The following ZMAT4 variants were observed in gnomAD, a reference collection of about 807,000 sequenced individuals.
The protein encoded by ZMAT4 is zinc finger matrin-type 4, also known as zinc finger matrin-type protein 4.
Under a neutral mutation model 28.7 loss-of-function variants are expected in ZMAT4, and 17 were observed. The observed-to-expected ratio is 0.59, with a 90% CI of 0.41 to 0.89. ZMAT4 has a LOEUF of 0.89. Among genes scored for constraint, ZMAT4 ranks in the 40% least tolerant of loss-of-function variants. The pLI, the probability that ZMAT4 is intolerant of heterozygous loss-of-function variation, is 0.00. For synonymous variants in ZMAT4, 117 were observed against 109.2 expected, an observed-to-expected ratio of 1.07 and a Z score of -0.44; for missense variants, 240 against 283.8, an observed-to-expected ratio of 0.85 and a Z score of 1.11.
chr8:40,633,021 T>C (rs1806652432), intron 5 of ZMAT4, among the ~76,000 whole-genome samples: 1 of 152,180 alleles, frequency 6.6e-6, no homozygotes, highest in Admixed American at 6.5e-5. Context: ...TGCCTTTCTG[T>C]GGATGGTTTT....
chr8:40,607,815 C>T (rs1043415796), intron 5 of ZMAT4, among the ~76,000 whole-genome samples: 4 of 152,004 alleles, frequency 2.6e-5, no homozygotes, highest in Admixed American at 2.0e-4. Context: ...GATCTAGTCA[C>T]CCAGCAGAGC....
At chr8:40,565,520 A>T (rs1219074455) in intron 6 of ZMAT4, among the ~76,000 whole-genome samples, 2 of 151,416 alleles carry the variant, frequency 1.3e-5, no homozygotes, top group Non-Finnish European at 2.9e-5. Context: ...GGGGTTACAG[A>T]CATCCGCCAC....
chr8:40,743,517 C>T (rs982574305), intron 3 of ZMAT4, among the ~76,000 whole-genome samples: 2 of 152,208 alleles, frequency 1.3e-5, no homozygotes, highest in African/African-American at 2.4e-5. Context: ...TTCTCTCATT[C>T]GGTCCTTCAT....
intron 2 of ZMAT4, among the ~76,000 whole-genome samples, chr8:40,782,145 T>G (rs1813861143): frequency 6.6e-6 from 1 of 152,194 alleles, no homozygotes; most frequent in East Asian, 1.9e-4. Context: ...CCCAGCATTT[T>G]GGGAGGCTGA....
At chr8:40,739,353 T>A (rs955618415) in intron 3 of ZMAT4, among the ~76,000 whole-genome samples, 2 of 152,196 alleles carry the variant, frequency 1.3e-5, no homozygotes, top group Non-Finnish European at 2.9e-5. Context: ...GTGCCTTGGA[T>A]GCCCTTAGCA....
Position 40,661,187 on chromosome 8 carries a change from G to A in ZMAT4, c.577+13517C>T, listed in dbSNP as rs184173861. On this transcript the variant is annotated intron_variant, in intron 5 of 6. Coordinates refer to ENST00000297737, the MANE Select transcript of ZMAT4 (RefSeq NM_024645.3). ...ACAATCATGGCTCACTGCAACCTCCGCCTCCCAGGTTCAAGCGATTCTTTT... is the reference window on the plus strand; with the variant it reads ...ACAATCATGGCTCACTGCAACCTCCACCTCCCAGGTTCAAGCGATTCTTTT... 5.3e-3 allele frequency among the ~76,000 whole-genome samples: 805 copies of A among 152,182 alleles called. 5 individuals are homozygous for A. The highest frequency in any genetic ancestry group is 0.018 in the African/African-American group (763 of 41,530).
At chr8:40,853,449 A>G (rs1411762876) in intron 1 of ZMAT4, among the ~76,000 whole-genome samples, 1 of 152,126 alleles carries the variant, frequency 6.6e-6, no homozygotes, top group African/African-American at 2.4e-5. Context: ...CCAGCTGCTC[A>G]GGAGGTTATG....
intron 2 of ZMAT4, among the ~76,000 whole-genome samples, chr8:40,818,595 C>T (rs951043776): frequency 6.6e-6 from 1 of 152,210 alleles, no homozygotes; most frequent in African/African-American, 2.4e-5. Flanking sequence ...GCAAAGAAGG[C>T]ATCCTCCCAG....
At chr8:40,539,031 G>A (rs144500615) in intron 6 of ZMAT4, among the ~76,000 whole-genome samples, 111 of 152,156 alleles carry the variant, frequency 7.3e-4, no homozygotes, top group African/African-American at 2.1e-3. Flanking sequence ...TGATCCACCC[G>A]CCTTGGCCTC....
intron 1 of ZMAT4, among the ~76,000 whole-genome samples, chr8:40,861,616 A>G (rs1342788506): frequency 2.0e-5 from 3 of 152,230 alleles, no homozygotes; most frequent in Admixed American, 6.5e-5. Context: ...AGAAACTACC[A>G]TCAGAGTGAA....
In ZMAT4 at chr8:40,680,892, A is replaced by G. The variant is rs1809137658; in HGVS notation, c.350-5961T>C. ...ATAGTGAAGTTTAATTCATTCTCAC[A>G]AGGGATGTGGGGGCTTTTGATATAG... On this transcript the variant is annotated intron_variant, in intron 4 of 6. Transcript: ENST00000297737. Among the ~76,000 whole-genome samples, 3 of 152,020 alleles carry G rather than the reference A, an allele frequency of 2.0e-5. 1 individual carries two copies. Among genetic ancestry groups the G allele is most frequent in the Admixed American group, 2.0e-4 (3 of 15,256 alleles).
rs1416966140 is a variant in ZMAT4, at chr8:40,600,013, A to G, written c.578-18752T>C. On this transcript the variant is annotated intron_variant, in intron 5 of 6. Coordinates refer to ENST00000297737, the MANE Select transcript of ZMAT4 (RefSeq NM_024645.3). ...CAGTCTCATGTGTTGCCATGCTTGCATGTCCCTGTTCGAACTAAAAACTGC... is the reference window on the plus strand; with the variant it reads ...CAGTCTCATGTGTTGCCATGCTTGCGTGTCCCTGTTCGAACTAAAAACTGC... 2.6e-5 allele frequency among the ~76,000 whole-genome samples: 4 copies of G among 152,314 alleles called. No individual in the cohort carries two copies. In the East Asian group the frequency reaches 7.7e-4, roughly 29 times the overall value.
chr8:40,697,560 A>T (rs1470993657), intron 3 of ZMAT4, among the ~76,000 whole-genome samples, 159 bp from the exon 4 acceptor site: 1 of 151,728 alleles, frequency 6.6e-6, no homozygotes, highest in Admixed American at 6.6e-5. Flanking sequence ...CTTCTTTTTT[A>T]AAAAATTTTT....
intron 1 of ZMAT4, among the ~76,000 whole-genome samples, chr8:40,837,092 T>G (rs1816521892): frequency 6.6e-6 from 1 of 152,218 alleles, no homozygotes; most frequent in South Asian, 2.1e-4. Context: ...GACATTGTTT[T>G]TTTCCTTTCT....
At chr8:40,856,312 G>A (rs955441870) in intron 1 of ZMAT4, among the ~76,000 whole-genome samples, 1 of 152,108 alleles carries the variant, frequency 6.6e-6, no homozygotes, top group Non-Finnish European at 1.5e-5. Context: ...GTTTCATGGA[G>A]GAAGTGGAAT....
At chr8:40,892,015 C>T (rs1222839592) in intron 1 of ZMAT4, among the ~76,000 whole-genome samples, 5 of 152,196 alleles carry the variant, frequency 3.3e-5, no homozygotes, top group African/African-American at 4.8e-5. Context: ...CCCAACTTCA[C>T]TGACAGCCTG....
intron 1 of ZMAT4, among the ~76,000 whole-genome samples, chr8:40,888,831 A>G (rs917398713): frequency 5.3e-5 from 8 of 152,228 alleles, no homozygotes; most frequent in African/African-American, 1.2e-4. Flanking sequence ...GCTGCCACAC[A>G]TGCATTTGGT....
chr8:40,793,435 C>T (rs1041563470), intron 2 of ZMAT4, among the ~76,000 whole-genome samples: 3 of 150,302 alleles, frequency 2.0e-5, no homozygotes, highest in African/African-American at 4.8e-5. Flanking sequence ...AGTTCCAGAG[C>T]CACGCTCCAT....
chr8:40,794,100 T>C (rs1330420607), intron 2 of ZMAT4, among the ~76,000 whole-genome samples: 1 of 152,196 alleles, frequency 6.6e-6, no homozygotes, highest in East Asian at 1.9e-4. Flanking sequence ...TAATGTTTTT[T>C]TTGGAAATTT....
Sources: allele counts gnomAD v4.1 joint callset (sites outside exome capture counted in the v4.1 genomes callset), GRCh38; gene constraint gnomAD v4.1.1; transcripts MANE v1.5; gene names NCBI Gene and HGNC (gene_info 2026-07-23, HGNC 2026-07-21).